The following ANKS6 variants were observed in gnomAD, a reference collection of about 807,000 sequenced individuals.
ANKS6 encodes ankyrin repeat and sterile alpha motif domain containing 6, also known as ankyrin repeat and SAM domain-containing protein 6.
Under a neutral mutation model 77.9 loss-of-function variants are expected in ANKS6, and 47 were observed. That is an observed-to-expected ratio of 0.60 (90% CI 0.48 to 0.77). The LOEUF (loss-of-function observed/expected upper bound fraction) is 0.77, where lower values mean the gene tolerates loss of function less well. Among genes scored for constraint, ANKS6 ranks in the 30% least tolerant of loss-of-function variants. The pLI, the probability that ANKS6 is intolerant of heterozygous loss-of-function variation, is 0.00. For missense variants in ANKS6, 1,150 were observed against 1,159.1 expected (o/e 0.99, Z 0.11); for synonymous variants, 488 against 501.7 (o/e 0.97, Z 0.37).
intron 11 of ANKS6, among the ~76,000 whole-genome samples, chr9:98,767,234 G>A (rs543442224): frequency 5.3e-5 from 8 of 152,264 alleles, no homozygotes; most frequent in African/African-American, 1.2e-4. Flanking sequence ...ACAAGGTCCC[G>A]GCTCTGTCCT....
At chr9:98,759,028 C>T (rs534892165) in intron 11 of ANKS6, among the ~76,000 whole-genome samples, 3 of 152,272 alleles carry the variant, frequency 2.0e-5, no homozygotes, top group African/African-American at 7.2e-5. Flanking sequence ...AGTTTGCATT[C>T]TATCTTTGGT....
Position 98,756,563 on chromosome 9 carries a change from G to A in ANKS6, c.2183C>T (p.Thr728Ile). 6.4e-7 allele frequency: 1 copy of A among 1,567,438 alleles called. No homozygotes were observed. The highest frequency in any genetic ancestry group is 8.6e-7 in the Non-Finnish European group (1 of 1,159,884). ...TSKRPPSGTS[T>I]TSKSTSPTLT... ...GGTTGGAGAGGTGCTCTTGGAGGTAGTGGAAGTTCCAGATGGAGGCCTTTT... is the reference window on the plus strand; with the variant it reads ...GGTTGGAGAGGTGCTCTTGGAGGTAATGGAAGTTCCAGATGGAGGCCTTTT... The change falls in exon 12 of 15, where the codon ACT becomes ATT. Residue 728 changes from threonine to isoleucine, a missense_variant. Thr to Ile is a moderately conservative substitution (Grantham distance 89). Transcript: ENST00000353234.
chr9:98,748,046 T>C (rs1406428938), intron 13 of ANKS6, among the ~76,000 whole-genome samples: 1 of 152,248 alleles, frequency 6.6e-6, no homozygotes, highest in Non-Finnish European at 1.5e-5. Flanking sequence ...AGCCCAGGTC[T>C]TCTCTGGCCC....
At chr9:98,782,991 G>A (rs2118121085) in intron 4 of ANKS6, among the ~76,000 whole-genome samples, 1 of 152,232 alleles carries the variant, frequency 6.6e-6, no homozygotes, top group Non-Finnish European at 1.5e-5. Context: ...AGAGACTGAG[G>A]TTGGAGGATG....
intron 5 of ANKS6, among the ~76,000 whole-genome samples, chr9:98,781,742 T>C (rs1287365226): frequency 6.6e-6 from 1 of 152,098 alleles, no homozygotes; most frequent in Non-Finnish European, 1.5e-5. Flanking sequence ...GCAGGTGACT[T>C]GTGACTGCAG....
rs1181697320 is a variant in ANKS6 at position 98,732,400 on chromosome 9, C to T, written c.*4119G>A. On this transcript the variant is annotated 3_prime_UTR_variant, in exon 15 of 15. Transcript: ENST00000353234. ...CTTTCTGTCTGCCATGCCAGGAAAT[C>T]CAGTGACAGCAAGACCCAGAGTCAG... The T allele has an allele frequency of 2.3e-6, 3 of 1,283,004 alleles. No individual in the cohort carries two copies. Among genetic ancestry groups the T allele is most frequent in the African/African-American group, 3.0e-5 (2 of 66,626 alleles). The allele number at this position is 1,283,004 out of a possible 1,614,324, so 79.5% of individuals were successfully genotyped here.
intron 2 of ANKS6, among the ~76,000 whole-genome samples, chr9:98,787,984 C>A (rs1403933656): frequency 1.3e-5 from 2 of 152,228 alleles, no homozygotes; most frequent in Non-Finnish European, 2.9e-5. Flanking sequence ...GGGTATCACT[C>A]CAGCACCCAT....
Position 98,732,581 on chromosome 9 carries a change from A to C in ANKS6, c.*3938T>G, listed in dbSNP as rs1000204025. 2.6e-6 allele frequency: 4 copies of C among 1,550,492 alleles called. No homozygotes were observed. The highest frequency in any genetic ancestry group is 2.6e-6 in the Non-Finnish European group (3 of 1,146,958). On this transcript the variant is annotated 3_prime_UTR_variant, in exon 15 of 15. Coordinates refer to ENST00000353234, the MANE Select transcript of ANKS6 (RefSeq NM_173551.5). ...ACGTCAGGGCAGAAGGGAGAGAAGAAAGAGAGATGAGAGATGAAAGGATTT... is the reference window on the plus strand; with the variant it reads ...ACGTCAGGGCAGAAGGGAGAGAAGACAGAGAGATGAGAGATGAAAGGATTT...
intron 11 of ANKS6, among the ~76,000 whole-genome samples, chr9:98,759,649 T>G (rs1340431984): frequency 1.3e-5 from 2 of 152,230 alleles, no homozygotes; most frequent in Non-Finnish European, 2.9e-5. Context: ...TTATATGGAT[T>G]ATTATTCAGC....
intron 11 of ANKS6, among the ~76,000 whole-genome samples, chr9:98,760,885 A>C (rs150970900): frequency 4.6e-5 from 7 of 152,218 alleles, no homozygotes; most frequent in Admixed American, 4.6e-4. Flanking sequence ...GTGTGAAGAG[A>C]AATTTTTTAA....
chr9:98,789,119 T>C (rs1834744048), intron 2 of ANKS6, among the ~76,000 whole-genome samples: 1 of 151,942 alleles, frequency 6.6e-6, no homozygotes, highest in South Asian at 2.1e-4. Context: ...CTATTCTATA[T>C]TCTTTCAATG....
chr9:98,744,036 G>A (rs534837023), intron 14 of ANKS6, among the ~76,000 whole-genome samples: 22 of 152,248 alleles, frequency 1.4e-4, no homozygotes, highest in African/African-American at 2.9e-4. Context: ...GAGCAGAAGC[G>A]GTGCTGGTCC....
At chr9:98,784,702 C>T in intron 3 of ANKS6, 130 bp downstream of exon 3, 1 of 869,818 alleles carries the variant, frequency 1.1e-6, no homozygotes, top group Non-Finnish European at 1.8e-6. Flanking sequence ...AACTTCCAAA[C>T]ACCAAACACC....
At chr9:98,759,713 CATT>C in intron 11 of ANKS6, among the ~76,000 whole-genome samples, 1 of 152,216 alleles carries the variant, frequency 6.6e-6, no homozygotes, top group Admixed American at 6.5e-5. Context: ...AACTGGAGGA[CATT>C]ATGTTAAGTG....
chr9:98,780,896 A>G (rs1253429378), intron 5 of ANKS6, among the ~76,000 whole-genome samples: 2 of 150,054 alleles, frequency 1.3e-5, no homozygotes, highest in African/African-American at 2.4e-5. Context: ...TTTCTTGATG[A>G]CTATTTCTTT....
chr9:98,744,035 C>A (rs371521), intron 14 of ANKS6, among the ~76,000 whole-genome samples: 15 of 152,214 alleles, frequency 9.9e-5, no homozygotes, highest in African/African-American at 3.4e-4. Context: ...AGAGCAGAAG[C>A]GGTGCTGGTC....
rs779979845 is a variant in ANKS6, at chr9:98,780,333, C to T, written c.1224G>A (p.Thr408=). 1.1e-5 allele frequency: 18 copies of T among 1,591,292 alleles called. No individual in the cohort carries two copies. The highest frequency in any genetic ancestry group is 7.7e-6 in the Non-Finnish European group (9 of 1,167,846). ...DLVMLLNDPD[T]ELVRLLASVC... ...CAGATGCCAGCAGTCGAACAAGTTC[C>T]GTGTCTATGGACACAAAAGGCATCA... is the stretch of plus-strand genomic sequence containing the variant. Residue 408 remains threonine, a synonymous_variant, in exon 6 of 15, where the codon ACG becomes ACA. Transcript: ENST00000353234.
In ANKS6 at chr9:98,732,981, C is replaced by G; in HGVS notation, c.*3538G>C. 1 of 1,009,872 alleles carries G rather than the reference C, an allele frequency of 9.9e-7. No individual in the cohort carries two copies. Among genetic ancestry groups the G allele is most frequent in the African/African-American group, 1.7e-5 (1 of 58,104 alleles). The allele number at this position is 1,009,872 out of a possible 1,614,324, so 62.6% of individuals were successfully genotyped here. ...CTTTGAGGCCCCACTCCATCTCTCT[C>G]CTCTGGGGCGTGCCCAGGCTGAGCC... On this transcript the variant is annotated 3_prime_UTR_variant, in exon 15 of 15. Transcript: ENST00000353234.
At chr9:98,794,646 C>G (rs1835080787) in intron 1 of ANKS6, among the ~76,000 whole-genome samples, 1 of 152,160 alleles carries the variant, frequency 6.6e-6, no homozygotes, top group African/African-American at 2.4e-5. Flanking sequence ...AACTGATGAT[C>G]TGGGGTCTCT....
Sources: allele counts gnomAD v4.1 joint callset (sites outside exome capture counted in the v4.1 genomes callset), GRCh38; gene constraint gnomAD v4.1.1; transcripts MANE v1.5; gene names NCBI Gene and HGNC (gene_info 2026-07-23, HGNC 2026-07-21).